The following SPPL3 variants were observed in gnomAD, a reference collection of about 807,000 sequenced individuals.
SPPL3 encodes the protein signal peptide peptidase like 3, also known as signal peptide peptidase-like 3.
In SPPL3, 5 loss-of-function variants were observed where a neutral mutation model predicts 42.4. That is an observed-to-expected ratio of 0.12 (90% confidence interval 0.06 to 0.25). SPPL3 has a LOEUF of 0.25. SPPL3 is among the 10% of genes least tolerant of loss of function. The probability of loss-of-function intolerance (pLI) is 1.00; values close to 1 mark genes in which losing one functional copy is unlikely to be tolerated. For missense variants in SPPL3, 235 were observed against 489.0 expected, an observed-to-expected ratio of 0.48 and a Z score of 4.90; for synonymous variants, 195 against 181.8, an observed-to-expected ratio of 1.07 and a Z score of -0.58.
At chr12:120,801,358 G>A (rs923873890) in intron 2 of SPPL3, among the ~76,000 whole-genome samples, 1 of 151,676 alleles carries the variant, frequency 6.6e-6, no homozygotes, top group Non-Finnish European at 1.5e-5. Flanking sequence ...AACCTGTCTT[G>A]CCACACTCCA....
intron 1 of SPPL3, among the ~76,000 whole-genome samples, chr12:120,835,124 G>GA (rs1440884024): frequency 6.6e-6 from 1 of 152,036 alleles, no homozygotes; most frequent in Non-Finnish European, 1.5e-5. Flanking sequence ...TGGAAAACAG[G>GA]GACCCTGTTC....
chr12:120,811,811 C>T (rs1870690917), intron 1 of SPPL3, among the ~76,000 whole-genome samples: 1 of 151,958 alleles, frequency 6.6e-6, no homozygotes, highest in Non-Finnish European at 1.5e-5. Context: ...GCCTAAATGT[C>T]TTTTCTAAAG....
intron 6 of SPPL3, chr12:120,769,905 C>T (rs1869054675): frequency 6.8e-6 from 1 of 147,332 alleles, no homozygotes; most frequent in Non-Finnish European, 1.5e-5. Context: ...ACAATCTGTT[C>T]CCCCCCTCCA....
chr12:120,858,060 AAG>A (rs1872516533), intron 1 of SPPL3, among the ~76,000 whole-genome samples: 2 of 152,216 alleles, frequency 1.3e-5, no homozygotes, highest in South Asian at 4.1e-4. Context: ...TTATTTTAAA[AAG>A]AGAGAAAGGG....
At chr12:120,851,753 G>A (rs956631989) in intron 1 of SPPL3, among the ~76,000 whole-genome samples, 2 of 152,164 alleles carry the variant, frequency 1.3e-5, no homozygotes, top group African/African-American at 2.4e-5. Flanking sequence ...ACAGGTGAGC[G>A]CTACCACACC....
intron 1 of SPPL3, among the ~76,000 whole-genome samples, chr12:120,882,838 A>G (rs777174773): frequency 6.6e-6 from 1 of 152,094 alleles, no homozygotes; most frequent in Non-Finnish European, 1.5e-5. Flanking sequence ...GGTTACAGTT[A>G]ACTATGATGG....
At chr12:120,820,910 T>A (rs1821335502) in intron 1 of SPPL3, among the ~76,000 whole-genome samples, 1 of 152,058 alleles carries the variant, frequency 6.6e-6, no homozygotes, top group Non-Finnish European at 1.5e-5. Context: ...CTGAAAAACA[T>A]ATGGAGATCC....
chr12:120,876,969 A>G (rs1312723610), intron 1 of SPPL3, among the ~76,000 whole-genome samples: 1 of 152,074 alleles, frequency 6.6e-6, no homozygotes, highest in African/African-American at 2.4e-5. Context: ...ATCTAGCTAA[A>G]CTGATCAGGA....
At chr12:120,882,820 G>C (rs1414153731) in intron 1 of SPPL3, among the ~76,000 whole-genome samples, 1 of 152,110 alleles carries the variant, frequency 6.6e-6, no homozygotes. Flanking sequence ...TTGAGGCTAG[G>C]AGTTCAAGGT....
At chr12:120,857,655 A>T (rs1353011134) in intron 1 of SPPL3, among the ~76,000 whole-genome samples, 1 of 152,236 alleles carries the variant, frequency 6.6e-6, no homozygotes, top group Non-Finnish European at 1.5e-5. Context: ...AAATTAGATC[A>T]TGTCCTTTTC....
intron 9 of SPPL3, among the ~76,000 whole-genome samples, 165 bp from the exon 10 acceptor site, chr12:120,766,537 C>T (rs1232948168): frequency 6.6e-6 from 1 of 152,158 alleles, no homozygotes. Flanking sequence ...TGGATCAGCA[C>T]AGCTTTAAAA....
intron 1 of SPPL3, among the ~76,000 whole-genome samples, chr12:120,848,179 T>G (rs1465160800): frequency 6.6e-6 from 1 of 152,192 alleles, no homozygotes; most frequent in African/African-American, 2.4e-5. Flanking sequence ...AGCACTGCCC[T>G]GACAGAATCT....
At chr12:120,884,883 A>G (rs1474787937) in intron 1 of SPPL3, among the ~76,000 whole-genome samples, 1 of 150,734 alleles carries the variant, frequency 6.6e-6, no homozygotes, top group Non-Finnish European at 1.5e-5. Flanking sequence ...CTATTCAATA[A>G]ATAGATACTA....
intron 1 of SPPL3, among the ~76,000 whole-genome samples, chr12:120,879,303 G>A (rs919848411): frequency 8.6e-5 from 13 of 151,804 alleles, no homozygotes; most frequent in Admixed American, 2.0e-4. Flanking sequence ...CATCTCCCCC[G>A]CTCCAAAAGC....
intron 3 of SPPL3, among the ~76,000 whole-genome samples, chr12:120,789,320 G>T (rs1334766403): frequency 6.6e-6 from 1 of 151,670 alleles, no homozygotes; most frequent in African/African-American, 2.4e-5. Flanking sequence ...CAGGTGTGGT[G>T]GTGGGTGCCT....
intron 3 of SPPL3, among the ~76,000 whole-genome samples, chr12:120,788,371 T>A (rs1235670543): frequency 1.3e-5 from 2 of 152,188 alleles, no homozygotes; most frequent in Non-Finnish European, 2.9e-5. Flanking sequence ...TAATCTGAAG[T>A]AATAATTACC....
In SPPL3 at chr12:120,764,998, A is replaced by C; in HGVS notation, c.*1T>G. The C allele has an allele frequency of 6.2e-7, 1 of 1,613,920 alleles. No individual in the cohort carries two copies. Among genetic ancestry groups the C allele is most frequent in the Non-Finnish European group, 8.5e-7 (1 of 1,179,912 alleles). On this transcript the variant is annotated 3_prime_UTR_variant, in exon 11 of 11. Transcript: ENST00000353487. ...CATCTGGTCACTTTCCACGTGATCC[A>C]TCATACTTCCAGGAATCGGGAGCTG...
Position 120,842,758 on chromosome 12 carries a change from C to T in SPPL3, c.24-31872G>A, listed in dbSNP as rs73413844. ...ATCACTTAATCACTTACCAAAAGGC[C>T]CCCATCTCTTACACCACCACACTGG... On this transcript the variant is annotated intron_variant, in intron 1 of 10. Transcript: ENST00000353487. Among the ~76,000 whole-genome samples the T allele has an allele frequency of 4.2e-3, 645 of 152,054 alleles. 6 individuals are homozygous for T. Among genetic ancestry groups the T allele is most frequent in the African/African-American group, 0.015 (604 of 41,454 alleles).
At position 120,766,205 on chromosome 12, in the gene SPPL3, C is replaced by T. The variant is rs543479435; in HGVS notation, c.1083+58G>A. 2.0e-4 allele frequency: 284 copies of T among 1,429,386 alleles called. 2 individuals carry two copies. In the South Asian group the frequency reaches 3.5e-3, roughly 18 times the overall value. The allele number at this position is 1,429,386 out of a possible 1,614,324, so 88.5% of individuals were successfully genotyped here. On this transcript the variant is annotated intron_variant, in intron 10 of 10. Transcript: ENST00000353487. ...TCACCTCCAGCGAGGAGAGTGCAAA[C>T]CGAGGCACAGGCCAATCCAAGTTAT...
Sources: gnomAD v4.1 joint callset for allele counts (sites outside exome capture counted in the v4.1 genomes callset) on GRCh38, gnomAD v4.1.1 for gene constraint, MANE v1.5 for transcripts, NCBI Gene and HGNC (gene_info 2026-07-23, HGNC 2026-07-21) for gene names.